RNF111: variants seen among roughly 807,000 people sequenced by gnomAD.
RNF111 encodes the protein ring finger protein 111, also known as E3 ubiquitin-protein ligase Arkadia.
A neutral mutation model predicts 95.1 loss-of-function variants in RNF111; 17 were observed. The observed-to-expected ratio is 0.18, with a 90% CI of 0.12 to 0.27. The LOEUF (loss-of-function observed/expected upper bound fraction) is 0.27. Ranked by LOEUF, RNF111 falls within the 10% of genes least tolerant of loss-of-function variation. RNF111 has a pLI of 1.00. For missense variants in RNF111, 1,189 were observed against 1,210.4 expected (o/e 0.98, Z 0.26); for synonymous variants, 440 against 414.8 (o/e 1.06, Z -0.74).
intron 12 of RNF111, 65 bp from the exon 13 acceptor site, chr15:59,092,472 A>T: frequency 1.3e-6 from 2 of 1,519,316 alleles, no homozygotes; most frequent in African/African-American, 2.8e-5. Flanking sequence ...ATAAACACAG[A>T]CTTTACTCAG....
At chr15:59,005,327 A>G (rs952874738) in intron 1 of RNF111, among the ~76,000 whole-genome samples, 1 of 151,412 alleles carries the variant, frequency 6.6e-6, no homozygotes, top group South Asian at 2.1e-4. Context: ...CCTCTAGAAC[A>G]TAGGCTTTCA....
intron 2 of RNF111, among the ~76,000 whole-genome samples, chr15:59,032,878 C>G (rs1167722305): frequency 6.6e-6 from 1 of 152,160 alleles, no homozygotes; most frequent in African/African-American, 2.4e-5. Context: ...TGCTCTTGCT[C>G]ATGCGTGCTG....
chr15:59,008,625 C>T (rs1427784402), intron 1 of RNF111, among the ~76,000 whole-genome samples: 1 of 152,170 alleles, frequency 6.6e-6, no homozygotes, highest in East Asian at 1.9e-4. Flanking sequence ...TCTAGTCTGT[C>T]CTTACACCAA....
chr15:59,064,980 T>C lies in RNF111; in HGVS notation c.1367-1784T>C, dbSNP rs12904061. ...ATTCCCTTTATTATTTAAGCTGTTT[T>C]GGTTGGATTTTTATTTTATTTGTAA... On this transcript the variant is annotated intron_variant, in intron 5 of 13. Coordinates refer to ENST00000348370, the MANE Select transcript of RNF111 (RefSeq NM_017610.8). Among the ~76,000 whole-genome samples, 1,025 of 152,082 alleles carry C rather than the reference T, an allele frequency of 6.7e-3. 7 individuals are homozygous for C. Among genetic ancestry groups the C allele is most frequent in the Non-Finnish European group, 0.011 (752 of 68,000 alleles).
Position 59,094,989 on chromosome 15 carries a change from G to C in RNF111, c.*89G>C, listed in dbSNP as rs1475003071. The C allele has an allele frequency of 1.2e-6, 1 of 812,560 alleles. No homozygotes were observed. Among genetic ancestry groups the C allele is most frequent in the African/African-American group, 1.7e-5 (1 of 58,648 alleles). The allele number at this position is 812,560 out of a possible 1,614,324, so 50.3% of individuals were successfully genotyped here. ...AAAGATGGCATGACTTACCTGCGCA[G>C]ATTTGGAAGCATTGAACTTAGAGTG... On this transcript the variant is annotated 3_prime_UTR_variant, in exon 14 of 14. Transcript: ENST00000348370.
At chr15:59,070,117 C>G (rs34859729) in intron 6 of RNF111, among the ~76,000 whole-genome samples, 37,620 of 142,398 alleles carry the variant, frequency 0.26, 5,053 homozygotes, top group Middle Eastern at 0.46. Context: ...TTAAGTAATC[C>G]TCCTGCCCCA....
At chr15:59,035,032 A>C (rs1354975395) in intron 2 of RNF111, among the ~76,000 whole-genome samples, 2 of 152,176 alleles carry the variant, frequency 1.3e-5, no homozygotes, top group African/African-American at 4.8e-5. Context: ...CAATTATGGC[A>C]GAAGGTGAAT....
intron 2 of RNF111, among the ~76,000 whole-genome samples, chr15:59,040,649 G>C (rs529079259): frequency 6.6e-6 from 1 of 152,182 alleles, no homozygotes; most frequent in South Asian, 2.1e-4. Context: ...CCATAAATAC[G>C]TACACATAAG....
chr15:59,019,264 A>C (rs1247672495), intron 1 of RNF111, among the ~76,000 whole-genome samples: 14 of 152,096 alleles, frequency 9.2e-5, no homozygotes, highest in African/African-American at 3.4e-4. Flanking sequence ...AATTATTTTA[A>C]AGTTCCACTG....
chr15:58,993,783 A>G (rs771583800), intron 1 of RNF111, among the ~76,000 whole-genome samples: 2 of 152,142 alleles, frequency 1.3e-5, no homozygotes, highest in Non-Finnish European at 2.9e-5. Flanking sequence ...TTGTGTTAAC[A>G]TGGAGAAGAT....
chr15:59,071,753 C>T (rs1289184676), intron 6 of RNF111, among the ~76,000 whole-genome samples: 3 of 151,914 alleles, frequency 2.0e-5, no homozygotes, highest in East Asian at 1.9e-4. Flanking sequence ...GTGGAATCTA[C>T]CCTCTGGTTT....
At chr15:58,988,325 A>G (rs1251250584) in intron 1 of RNF111, 1 of 152,292 alleles carries the variant, frequency 6.6e-6, no homozygotes, top group Non-Finnish European at 1.5e-5. Flanking sequence ...TTTCTCTCCC[A>G]CTTCCGACTC....
At chr15:59,073,173 A>C (rs996892813) in intron 6 of RNF111, among the ~76,000 whole-genome samples, 4 of 152,120 alleles carry the variant, frequency 2.6e-5, no homozygotes, top group Non-Finnish European at 4.4e-5. Flanking sequence ...ACCTTGTCTC[A>C]AAAGTAAATA....
chr15:59,041,565 G>T (rs1260925584), intron 2 of RNF111, among the ~76,000 whole-genome samples: 1 of 148,146 alleles, frequency 6.8e-6, no homozygotes, highest in East Asian at 1.9e-4. Flanking sequence ...TGTCTCAAAA[G>T]AAAAAAAAAA....
At position 59,095,268 on chromosome 15, in the gene RNF111, T is replaced by G. The variant is rs141914801; in HGVS notation, c.*368T>G. On this transcript the variant is annotated 3_prime_UTR_variant, in exon 14 of 14. Transcript: ENST00000348370. Reference sequence around the variant, plus strand: ...TTTGTTTTTTACATAGTACCAAGCCTTGATAATTATGAATTTTTTATCCAT... The same window carrying G: ...TTTGTTTTTTACATAGTACCAAGCCGTGATAATTATGAATTTTTTATCCAT... 7 of 196,056 alleles carry G rather than the reference T, an allele frequency of 3.6e-5. No homozygotes were observed. The East Asian group carries it at 1.2e-3, about 35-fold the overall frequency. The allele number at this position is 196,056 out of a possible 1,614,324, so 12.1% of individuals were successfully genotyped here. A position where few individuals can be genotyped will look rare whatever the true frequency, so the allele number is the denominator to read the frequency against.
Position 59,017,422 on chromosome 15 carries a change from GGTTTAATTTTAC to G in RNF111, c.-19-13381_-19-13370del, listed in dbSNP as rs1429633183. On this transcript the variant is annotated intron_variant, in intron 1 of 13. Transcript: ENST00000348370. ...GATTTAAGAGCTTATTTCGAAATAT[GGTTTAATTTTAC>G]ATTTACCTGTTACAGATTGTTAAAT... Among the ~76,000 whole-genome samples, 3 of 152,144 alleles carry G rather than the reference GGTTTAATTTTAC, an allele frequency of 2.0e-5. No individual in the cohort carries two copies. The East Asian group carries it at 5.8e-4, about 29-fold the overall frequency.
intron 5 of RNF111, 45 bp from the exon 6 acceptor site, chr15:59,066,719 A>T: frequency 6.9e-7 from 1 of 1,454,960 alleles, no homozygotes; most frequent in Non-Finnish European, 9.5e-7. Flanking sequence ...TTACACAGTG[A>T]TATTTCATGA....
intron 1 of RNF111, among the ~76,000 whole-genome samples, chr15:59,019,105 A>ATTTTTTTTTTTTTTTTTTTTTTTTTTT (rs35154303): frequency 1.6e-5 from 2 of 121,284 alleles, no homozygotes; most frequent in African/African-American, 6.3e-5. Context: ...GTATTTTTGT[A>ATTTTTTTTTTTTTTTTTTTTTTTTTTT]TTTTTTTTTT....
chr15:59,045,168 G>A (rs1231150077), intron 2 of RNF111, among the ~76,000 whole-genome samples: 2 of 143,512 alleles, frequency 1.4e-5, no homozygotes, highest in African/African-American at 5.1e-5. Context: ...ATTTTTTACA[G>A]TTTTTTTTTT....
Sources: gnomAD v4.1 joint callset for allele counts (sites outside exome capture counted in the v4.1 genomes callset) on GRCh38, gnomAD v4.1.1 for gene constraint, MANE v1.5 for transcripts, NCBI Gene and HGNC (gene_info 2026-07-23, HGNC 2026-07-21) for gene names.